Variants in GBF1 observed in about 807,000 individuals in gnomAD.
GBF1 encodes the protein Golgi-specific brefeldin A-resistance guanine nucleotide exchange factor 1.
In GBF1, 114 loss-of-function variants were observed where a neutral mutation model predicts 210.5. That is an observed-to-expected ratio of 0.54 (90% CI 0.47 to 0.63). GBF1 has a LOEUF of 0.63. Ranked by LOEUF, GBF1 falls within the 30% of genes least tolerant of loss-of-function variation. GBF1 has a pLI of 0.00. For synonymous variants in GBF1, 850 were observed against 889.2 expected, an observed-to-expected ratio of 0.96 and a Z score of 0.78; for missense variants, 1,851 against 2,357.7, an observed-to-expected ratio of 0.79 and a Z score of 4.45.
intron 1 of GBF1, among the ~76,000 whole-genome samples, chr10:102,251,193 A>G (rs2071480945): frequency 6.6e-6 from 1 of 152,232 alleles, no homozygotes; most frequent in South Asian, 2.1e-4. Flanking sequence ...GCATTATGAT[A>G]TGGCTGGTAG....
At chr10:102,377,677 T>C (rs2060589420) in intron 33 of GBF1, among the ~76,000 whole-genome samples, 1 of 152,106 alleles carries the variant, frequency 6.6e-6, no homozygotes, top group South Asian at 2.1e-4. Flanking sequence ...TAAACTAAGA[T>C]TTACTTATTT....
chr10:102,244,692 A>G (rs1247564966), upstream of GBF1, among the ~76,000 whole-genome samples: 8 of 152,172 alleles, frequency 5.3e-5, no homozygotes, highest in African/African-American at 9.7e-5. Context: ...CCGGGAGTCA[A>G]AGCCCGATAT....
intron 15 of GBF1, 112 bp downstream of exon 15, chr10:102,362,776 C>T: frequency 2.6e-6 from 2 of 759,730 alleles, no homozygotes; most frequent in Non-Finnish European, 4.3e-6. Flanking sequence ...GCTCCCAATT[C>T]TGTTTCTGGG....
At chr10:102,319,797 C>T (rs369773541) in intron 3 of GBF1, among the ~76,000 whole-genome samples, 1 of 145,308 alleles carries the variant, frequency 6.9e-6, no homozygotes, top group Non-Finnish European at 1.5e-5. Flanking sequence ...GATGTGATCT[C>T]GGCTCACTGC....
intron 3 of GBF1, among the ~76,000 whole-genome samples, chr10:102,270,036 G>A (rs1365249829): frequency 1.3e-5 from 2 of 151,890 alleles, no homozygotes; most frequent in Non-Finnish European, 2.9e-5. Context: ...CCGCCACCAT[G>A]CCCGGCTAAT....
chr10:102,323,942 A>G (rs1204531197), intron 3 of GBF1, among the ~76,000 whole-genome samples: 5 of 152,022 alleles, frequency 3.3e-5, no homozygotes, highest in Non-Finnish European at 5.9e-5. Flanking sequence ...CTGCCTGCCT[A>G]CTTTCTAGGA....
chr10:102,369,773 C>T lies in GBF1; in HGVS notation c.3213C>T (p.Asn1071=), dbSNP rs774105928. The change falls in exon 25 of 40, where the codon AAC becomes AAT. Residue 1071 remains asparagine (N), a splice_region_variant and synonymous_variant. Coordinates refer to ENST00000369983, the MANE Select transcript of GBF1 (RefSeq NM_001377137.1). The part of the protein sequence containing the change: ...ISLQREETPS[N]RGESTVLSFV... ...TACAGCGGGAAGAGACACCATCAAA[C>T]CGGTAAGAGCAGACCAGAGGCTCAG... 1.2e-6 allele frequency: 2 copies of T among 1,614,100 alleles called. No individual in the cohort carries two copies. Among genetic ancestry groups the T allele is most frequent in the Non-Finnish European group, 1.7e-6 (2 of 1,179,974 alleles).
At chr10:102,371,824 G>T (rs557559588) in intron 29 of GBF1, among the ~76,000 whole-genome samples, 1 of 152,158 alleles carries the variant, frequency 6.6e-6, no homozygotes, top group Non-Finnish European at 1.5e-5. Context: ...AGCTACTTGG[G>T]AGGCTGAGGC....
At chr10:102,233,335 G>C in the GBF1 span, among the ~76,000 whole-genome samples, 1 of 117,002 alleles carries the variant, frequency 8.5e-6, no homozygotes, top group Middle Eastern at 6.5e-3. Context: ...ATGGAGTCTC[G>C]CTTTGTTGCC....
intron 3 of GBF1, among the ~76,000 whole-genome samples, chr10:102,276,625 G>A (rs2075004522): frequency 6.6e-6 from 1 of 152,154 alleles, no homozygotes; most frequent in Non-Finnish European, 1.5e-5. Context: ...TTTAGAGAAT[G>A]GGAGATGGTG....
At chr10:102,256,343 A>C (rs1010270200) in intron 1 of GBF1, among the ~76,000 whole-genome samples, 1 of 151,916 alleles carries the variant, frequency 6.6e-6, no homozygotes, top group African/African-American at 2.4e-5. Context: ...AAATATGCAA[A>C]TTGAGCTACT....
At chr10:102,272,802 C>G (rs1014444860) in intron 3 of GBF1, among the ~76,000 whole-genome samples, 2 of 152,186 alleles carry the variant, frequency 1.3e-5, no homozygotes, top group African/African-American at 4.8e-5. Flanking sequence ...ATAATGATCA[C>G]TAGTGGTGGC....
chr10:102,368,757 C>T lies in GBF1; in HGVS notation c.2898C>T (p.Ser966=), dbSNP rs141570106. ...ISGFRKCAMI[S]AHYGLSDVFD... Reference sequence around the variant, plus strand: ...ATTACAGGAAGTGCGCCATGATCTCCGCCCACTATGGCCTCAGCGATGTGT... The same window carrying T: ...ATTACAGGAAGTGCGCCATGATCTCTGCCCACTATGGCCTCAGCGATGTGT... Residue 966 remains serine, a synonymous_variant, in exon 23 of 40, where the codon TCC becomes TCT. Coordinates refer to ENST00000369983, the MANE Select transcript of GBF1 (RefSeq NM_001377137.1). 1.9e-5 allele frequency: 31 copies of T among 1,612,576 alleles called. No homozygotes were observed. Among genetic ancestry groups the T allele is most frequent in the Middle Eastern group, 1.7e-4 (1 of 6,052 alleles).
intron 3 of GBF1, among the ~76,000 whole-genome samples, chr10:102,287,306 A>C (rs2076030455): frequency 6.6e-6 from 1 of 151,534 alleles, no homozygotes; most frequent in Non-Finnish European, 1.5e-5. Context: ...AAATTAAAAA[A>C]CAAAAAAAAT....
At chr10:102,287,308 A>C (rs1435518239) in intron 3 of GBF1, among the ~76,000 whole-genome samples, 1 of 151,320 alleles carries the variant, frequency 6.6e-6, no homozygotes, top group Non-Finnish European at 1.5e-5. Context: ...ATTAAAAAAC[A>C]AAAAAAATTT....
chr10:102,232,035 G>T, the GBF1 span: 1 of 1,607,240 alleles, frequency 6.2e-7, no homozygotes. Context: ...GACAGCGACA[G>T]GGCAGGGCTC....
intron 2 of GBF1, 101 bp from the exon 3 acceptor site, chr10:102,259,948 AT>A: frequency 1.5e-6 from 1 of 670,972 alleles, no homozygotes; most frequent in Non-Finnish European, 2.7e-6. Flanking sequence ...AACTTAAATG[AT>A]TTTCTGATTG....
intron 1 of GBF1, among the ~76,000 whole-genome samples, chr10:102,256,998 A>G (rs1268957190): frequency 2.6e-5 from 4 of 152,156 alleles, no homozygotes. Flanking sequence ...TGACAGTGCC[A>G]CAGGACTCCA....
At chr10:102,319,083 T>A (rs1052717337) in intron 3 of GBF1, among the ~76,000 whole-genome samples, 1 of 152,122 alleles carries the variant, frequency 6.6e-6, no homozygotes, top group Non-Finnish European at 1.5e-5. Flanking sequence ...TTTGGGAGGC[T>A]AAGGCAGATG....
Sources: allele counts gnomAD v4.1 joint callset (sites outside exome capture counted in the v4.1 genomes callset), GRCh38; gene constraint gnomAD v4.1.1; transcripts MANE v1.5; gene names NCBI Gene and HGNC (gene_info 2026-07-23, HGNC 2026-07-21).